Variants in CLIC5 observed in about 807,000 individuals in gnomAD.
CLIC5 encodes chloride intracellular channel protein 5.
A neutral mutation model predicts 24.7 loss-of-function variants in CLIC5; 20 were observed. That is an observed-to-expected ratio of 0.81 (90% confidence interval 0.57 to 1.18). The LOEUF (loss-of-function observed/expected upper bound fraction) is 1.18, where lower values mean the gene tolerates loss of function less well. Ranked by LOEUF, CLIC5 falls within the 50% of genes most tolerant of loss-of-function variation. The probability of loss-of-function intolerance (pLI) is 0.00; values close to 1 mark genes in which losing one functional copy is unlikely to be tolerated. For missense variants in CLIC5, 341 were observed against 326.1 expected (o/e 1.05, Z -0.35); for synonymous variants, 159 against 135.6 (o/e 1.17, Z -1.20).
At chr6:46,053,984 A>G (rs1264768131) in intron 1 of CLIC5, among the ~76,000 whole-genome samples, 1 of 152,176 alleles carries the variant, frequency 6.6e-6, no homozygotes, top group African/African-American at 2.4e-5. Flanking sequence ...CCAGTGGATC[A>G]TTCATTTGGT....
chr6:45,931,380 G>A (rs1292480327), intron 4 of CLIC5, among the ~76,000 whole-genome samples: 1 of 152,184 alleles, frequency 6.6e-6, no homozygotes, highest in Non-Finnish European at 1.5e-5. Flanking sequence ...CAATTTAGAA[G>A]CAATGTTGAA....
At chr6:45,888,924 C>A (rs959224840) in intron 6 of CLIC5, among the ~76,000 whole-genome samples, 6 of 152,084 alleles carry the variant, frequency 3.9e-5, no homozygotes, top group Non-Finnish European at 5.9e-5. Context: ...CATATTTATT[C>A]ATTGCAGCAT....
intron 4 of CLIC5, among the ~76,000 whole-genome samples, chr6:45,921,922 T>C (rs1015117810): frequency 6.6e-6 from 1 of 152,174 alleles, no homozygotes; most frequent in South Asian, 2.1e-4. Context: ...TGTTGTCAAA[T>C]TGGCCCTGGG....
the CLIC5 span, among the ~76,000 whole-genome samples, chr6:46,087,576 T>A: frequency 6.6e-6 from 1 of 152,226 alleles, no homozygotes. Flanking sequence ...TCCTTCCTTA[T>A]TCACGGTGGG....
intron 1 of CLIC5, among the ~76,000 whole-genome samples, chr6:46,040,341 T>C (rs1024297784): frequency 6.6e-6 from 1 of 152,168 alleles, no homozygotes; most frequent in African/African-American, 2.4e-5. Flanking sequence ...TGATAATAGC[T>C]GATCATGGTG....
At chr6:46,049,088 T>C (rs544035936) in intron 1 of CLIC5, among the ~76,000 whole-genome samples, 2 of 152,312 alleles carry the variant, frequency 1.3e-5, no homozygotes, top group African/African-American at 4.8e-5. Context: ...TTGGGAAAGA[T>C]AGGGGACTGA....
intron 1 of CLIC5, among the ~76,000 whole-genome samples, chr6:46,073,961 T>A (rs1177749701): frequency 6.6e-6 from 1 of 152,168 alleles, no homozygotes; most frequent in African/African-American, 2.4e-5. Context: ...ATGTGTTGCT[T>A]ATGAAAGCAT....
chr6:46,107,064 C>A, the CLIC5 span, among the ~76,000 whole-genome samples: 2 of 152,202 alleles, frequency 1.3e-5, no homozygotes, highest in Admixed American at 1.3e-4. Context: ...AAATAACTAG[C>A]CCAAAAGTTT....
the CLIC5 span, among the ~76,000 whole-genome samples, chr6:46,120,768 A>G: frequency 2.0e-5 from 3 of 152,254 alleles, no homozygotes; most frequent in Non-Finnish European, 4.4e-5. Flanking sequence ...CCATGGCACG[A>G]GAACTACATG....
At chr6:45,982,893 G>A (rs189900838) in intron 1 of CLIC5, among the ~76,000 whole-genome samples, 4 of 152,256 alleles carry the variant, frequency 2.6e-5, no homozygotes, top group Non-Finnish European at 5.9e-5. Context: ...AGTCTAAATG[G>A]CATGAATTTG....
chr6:45,948,829 T>C (rs1252876570), intron 3 of CLIC5, among the ~76,000 whole-genome samples: 3 of 152,144 alleles, frequency 2.0e-5, no homozygotes, highest in African/African-American at 7.2e-5. Context: ...ACCCTGGATG[T>C]TGTTTTAAGT....
intron 1 of CLIC5, among the ~76,000 whole-genome samples, chr6:46,048,901 T>C (rs1456125484): frequency 1.3e-5 from 2 of 152,116 alleles, no homozygotes; most frequent in Non-Finnish European, 2.9e-5. Context: ...GGACTCTTCA[T>C]AGTTGCCAAG....
At chr6:46,128,308 A>C in the CLIC5 span, among the ~76,000 whole-genome samples, 3 of 152,216 alleles carry the variant, frequency 2.0e-5, no homozygotes, top group Non-Finnish European at 4.4e-5. Context: ...TGCTATCTTC[A>C]CCACACATCT....
chr6:45,957,072 T>C (rs1400424311), intron 1 of CLIC5, among the ~76,000 whole-genome samples: 2 of 151,988 alleles, frequency 1.3e-5, no homozygotes, highest in Non-Finnish European at 2.9e-5. Flanking sequence ...CCAGGGCCAG[T>C]TATGGTGGAA....
chr6:46,062,277 T>C (rs909121743), intron 1 of CLIC5, among the ~76,000 whole-genome samples: 3 of 152,200 alleles, frequency 2.0e-5, no homozygotes, highest in African/African-American at 7.2e-5. Context: ...AATACTTCAG[T>C]AGAGTGTAAA....
chr6:46,098,009 T>C, the CLIC5 span, among the ~76,000 whole-genome samples: 3 of 152,268 alleles, frequency 2.0e-5, no homozygotes, highest in African/African-American at 7.2e-5. Flanking sequence ...GCAATAGAGA[T>C]GACAGCCACC....
At chr6:46,079,564 A>C in intron 1 of CLIC5, 1 of 694,752 alleles carries the variant, frequency 1.4e-6, no homozygotes, top group Non-Finnish European at 2.4e-6. Context: ...TGACTGATTT[A>C]GTCCCTCCGA....
At chr6:46,083,524 C>T (rs919429279), upstream of CLIC5, among the ~76,000 whole-genome samples, 2 of 152,052 alleles carry the variant, frequency 1.3e-5, no homozygotes, top group African/African-American at 4.8e-5. Flanking sequence ...GCCTTCATTT[C>T]ATTATGTACC....
chr6:45,970,364 G>T (rs554889653), intron 1 of CLIC5, among the ~76,000 whole-genome samples: 1 of 151,860 alleles, frequency 6.6e-6, no homozygotes, highest in Non-Finnish European at 1.5e-5. Context: ...TCTCAGCCTT[G>T]AAAAAAAATC....
Sources: gnomAD v4.1 joint callset for allele counts (sites outside exome capture counted in the v4.1 genomes callset) on GRCh38, gnomAD v4.1.1 for gene constraint, MANE v1.5 for transcripts, NCBI Gene and HGNC (gene_info 2026-07-23, HGNC 2026-07-21) for gene names.